Variants in TACC2 observed in about 807,000 individuals in gnomAD.
The protein encoded by TACC2 is transforming acidic coiled-coil-containing protein 2.
In TACC2, 137 loss-of-function variants were observed where a neutral mutation model predicts 227.3. The observed-to-expected ratio is 0.60, with a 90% CI of 0.52 to 0.69. The LOEUF (loss-of-function observed/expected upper bound fraction) is 0.69, where lower values mean the gene tolerates loss of function less well. Ranked by LOEUF, TACC2 falls within the 30% of genes least tolerant of loss-of-function variation. TACC2 has a pLI of 0.00. For synonymous variants in TACC2, 1,523 were observed against 1,487.5 expected (o/e 1.02, Z -0.55); for missense variants, 3,470 against 3,694.4 (o/e 0.94, Z 1.57).
intron 2 of TACC2, chr10:122,033,038 C>T (rs1959172142): frequency 9.3e-7 from 1 of 1,071,342 alleles, no homozygotes; most frequent in Non-Finnish European, 1.3e-6. Context: ...AAAGATTGTC[C>T]ATCTGGTCCT....
chr10:122,014,160 G>A (rs1956270097), intron 1 of TACC2, among the ~76,000 whole-genome samples: 2 of 151,868 alleles, frequency 1.3e-5, no homozygotes. Context: ...ATAGGGTAAA[G>A]ACTTTGGGCA....
chr10:122,200,962 G>A (rs1488893560), intron 8 of TACC2, among the ~76,000 whole-genome samples: 6 of 132,404 alleles, frequency 4.5e-5, no homozygotes, highest in Non-Finnish European at 1.0e-4. Context: ...GCCCACAGTG[G>A]CCACATCTAC....
At chr10:122,101,551 C>CTTTT (rs34331470) in intron 5 of TACC2, among the ~76,000 whole-genome samples, 2 of 47,136 alleles carry the variant, frequency 4.2e-5, no homozygotes, top group Non-Finnish European at 8.6e-5. Flanking sequence ...AAAACCCCAT[C>CTTTT]TTTTTTTTTT....
At chr10:122,155,054 C>T (rs1194786039) in intron 7 of TACC2, among the ~76,000 whole-genome samples, 1 of 152,188 alleles carries the variant, frequency 6.6e-6, no homozygotes, top group Non-Finnish European at 1.5e-5. Flanking sequence ...TGCACATTCA[C>T]CCCAGGGCAG....
chr10:122,115,311 TGTGTGTGTGA>T lies in TACC2; in HGVS notation c.5574-17296_5574-17287del, dbSNP rs1159698313. Among the ~76,000 whole-genome samples the T allele has an allele frequency of 3.4e-3, 28 of 8,326 alleles. No homozygotes were observed. The Admixed American group carries it at 0.036, about 11-fold the overall frequency. 5.5% of individuals were successfully genotyped at this position (8,326 alleles called of 152,430 possible). The stretch of plus-strand genomic sequence containing the variant: ...GTGTGTGTGTGTGTGTGTGTGTGTG[TGTGTGTGTGA>T]GATACCTGAGCATGCACATATGGGG... On this transcript the variant is annotated intron_variant, in intron 5 of 22. Coordinates refer to ENST00000369005, the MANE Select transcript of TACC2 (RefSeq NM_206862.4).
At chr10:122,001,595 T>C (rs1344480812) in intron 1 of TACC2, among the ~76,000 whole-genome samples, 1 of 152,246 alleles carries the variant, frequency 6.6e-6, no homozygotes, top group Admixed American at 6.5e-5. Context: ...ATAACCACAG[T>C]ATCCTTATCA....
intron 16 of TACC2, 52 bp from the exon 17 acceptor site, chr10:122,237,343 G>C: frequency 6.5e-7 from 1 of 1,545,506 alleles, no homozygotes; most frequent in Admixed American, 1.9e-5. Context: ...AATCCTCTTT[G>C]TCGTATGATT....
chr10:122,222,191 A>T (rs2095536146), intron 11 of TACC2, among the ~76,000 whole-genome samples: 7 of 152,170 alleles, frequency 4.6e-5, no homozygotes. Flanking sequence ...CTGAAATTGG[A>T]TGTGGTTTCA....
At chr10:122,135,938 C>A (rs1382843143) in intron 6 of TACC2, among the ~76,000 whole-genome samples, 2 of 152,210 alleles carry the variant, frequency 1.3e-5, no homozygotes, top group African/African-American at 2.4e-5. Context: ...ATGCTGAAGT[C>A]CCCTCCTAAG....
intron 2 of TACC2, chr10:122,023,791 A>G (rs1444025651): frequency 1.0e-5 from 1 of 99,122 alleles, no homozygotes; most frequent in South Asian, 3.2e-4. Flanking sequence ...CTTAAAGTAT[A>G]ATTAAAAAAA....
intron 16 of TACC2, among the ~76,000 whole-genome samples, chr10:122,235,915 C>T (rs1274256596): frequency 6.6e-6 from 1 of 152,124 alleles, no homozygotes; most frequent in Non-Finnish European, 1.5e-5. Flanking sequence ...TTGGGTCCTG[C>T]TTCAGGGTCA....
chr10:122,094,994 G>A (rs188260539), intron 5 of TACC2, among the ~76,000 whole-genome samples: 5 of 152,312 alleles, frequency 3.3e-5, no homozygotes, highest in Admixed American at 3.3e-4. Flanking sequence ...GGTGAGAGCT[G>A]CAAGGAAATG....
At chr10:122,118,735 C>T (rs145797706) in intron 5 of TACC2, among the ~76,000 whole-genome samples, 264 of 152,238 alleles carry the variant, frequency 1.7e-3, no homozygotes, top group African/African-American at 6.0e-3. Flanking sequence ...AATTTTGCCT[C>T]ATCTATATAA....
chr10:122,110,739 A>C lies in TACC2; in HGVS notation c.5574-21870A>C, dbSNP rs893538664. Among the ~76,000 whole-genome samples, 14 of 152,238 alleles carry C rather than the reference A, an allele frequency of 9.2e-5. No homozygotes were observed. In the South Asian group the frequency reaches 2.1e-3, roughly 22 times the overall value. ...TCAAAGAAGGGATTAAGTCACAGTA[A>C]TAACCAGGTACCTACTGCATTAGTT... On this transcript the variant is annotated intron_variant, in intron 5 of 22. Coordinates refer to ENST00000369005, the MANE Select transcript of TACC2 (RefSeq NM_206862.4).
chr10:122,005,768 A>G lies in TACC2; in HGVS notation c.-45-16169A>G, dbSNP rs375406480. Among the ~76,000 whole-genome samples, 33 of 137,078 alleles carry G rather than the reference A, an allele frequency of 2.4e-4. No homozygotes were observed. In the East Asian group the frequency reaches 5.6e-3, roughly 23 times the overall value. 89.9% of individuals were successfully genotyped at this position (137,078 alleles called of 152,430 possible). ...GAGTGCAATAGCACGACCTTGGCTTACTGCAACCTCCACTCCCCGGGTTCA... is the reference window on the plus strand; with the variant it reads ...GAGTGCAATAGCACGACCTTGGCTTGCTGCAACCTCCACTCCCCGGGTTCA... On this transcript the variant is annotated intron_variant, in intron 1 of 22. Transcript: ENST00000369005.
chr10:122,142,157 T>C (rs1027249567), intron 6 of TACC2, among the ~76,000 whole-genome samples: 1 of 152,232 alleles, frequency 6.6e-6, no homozygotes, highest in Non-Finnish European at 1.5e-5. Context: ...ATTGGTCTGC[T>C]CTGGGCTTTC....
At chr10:122,154,382 A>G (rs1309470026) in intron 7 of TACC2, among the ~76,000 whole-genome samples, 1 of 152,250 alleles carries the variant, frequency 6.6e-6, no homozygotes, top group Non-Finnish European at 1.5e-5. Flanking sequence ...TATGCAAAGT[A>G]GCAATCCTTC....
Position 122,195,100 on chromosome 10 carries a change from G to A in TACC2, c.5895G>A (p.Pro1965=), listed in dbSNP as rs201214429. 1.1e-5 allele frequency: 17 copies of A among 1,613,246 alleles called. No homozygotes were observed. Among genetic ancestry groups the A allele is most frequent in the Admixed American group, 1.0e-4 (6 of 59,944 alleles). ...TPESTTPVKA[P]PAPPPPPPEV... is the part of the protein sequence containing the mutation. ...AGTCAACGACCCCTGTCAAAGCTCC[G>A]CCAGCTCCACCCCCACCACCCCCCG... The change falls in exon 8 of 23, where the codon CCG becomes CCA. Residue 1965 remains proline (P), a synonymous_variant. Transcript: ENST00000369005.
intron 2 of TACC2, chr10:122,032,950 ACT>A (rs1362462951): frequency 1.1e-5 from 5 of 459,328 alleles, no homozygotes; most frequent in African/African-American, 1.0e-4. Context: ...ACACAGCAAG[ACT>A]CTGTCTCAAC....
Sources: allele counts gnomAD v4.1 joint callset (sites outside exome capture counted in the v4.1 genomes callset), GRCh38; gene constraint gnomAD v4.1.1; transcripts MANE v1.5; gene names NCBI Gene and HGNC (gene_info 2026-07-23, HGNC 2026-07-21).